CPAP: variants seen among roughly 807,000 people sequenced by gnomAD.
CPAP encodes centrosome assembly and centriole elongation protein.
At chr13:24,928,805 C>T in the CPAP span, among the ~76,000 whole-genome samples, 1 of 152,208 alleles carries the variant, frequency 6.6e-6, no homozygotes, top group African/African-American at 2.4e-5. Context: ...ATAGTTAAAT[C>T]TATTGCTGGT....
At chr13:24,892,666 C>G in the CPAP span, 1 of 1,614,118 alleles carries the variant, frequency 6.2e-7, no homozygotes, top group African/African-American at 1.3e-5. Flanking sequence ...TTCTTCTCCA[C>G]CTCGAGGCTG....
At chr13:24,894,739 C>T in the CPAP span, among the ~76,000 whole-genome samples, 11 of 151,080 alleles carry the variant, frequency 7.3e-5, no homozygotes. Flanking sequence ...GGGTGGGCTC[C>T]GTGGGCGGGA....
At chr13:24,912,736 G>GT in the CPAP span, 25 of 1,614,084 alleles carry the variant, frequency 1.5e-5, no homozygotes, top group Admixed American at 1.5e-4. Context: ...AGGAAAGGCT[G>GT]TATGGGTTTC....
At chr13:24,905,860 G>T in the CPAP span, 1 of 1,614,144 alleles carries the variant, frequency 6.2e-7, no homozygotes, top group Non-Finnish European at 8.5e-7. Flanking sequence ...CCTCTCTGCT[G>T]CTGATGCCCC....
chr13:24,884,223 T>G, the CPAP span: 2 of 1,614,224 alleles, frequency 1.2e-6, no homozygotes, highest in African/African-American at 1.3e-5. Context: ...GTGAGTGGTC[T>G]GGGCAGCTGC....
chr13:24,894,431 G>A, the CPAP span, among the ~76,000 whole-genome samples: 7 of 152,338 alleles, frequency 4.6e-5, no homozygotes, highest in South Asian at 1.4e-3. Context: ...GCACCAGGAT[G>A]GACACTGGCA....
chr13:24,932,602 C>A, the CPAP span, among the ~76,000 whole-genome samples: 1 of 152,240 alleles, frequency 6.6e-6, no homozygotes, highest in Non-Finnish European at 1.5e-5. Flanking sequence ...TAACAGAAAC[C>A]CACATAATGA....
At chr13:24,927,308 T>A in the CPAP span, among the ~76,000 whole-genome samples, 1 of 152,118 alleles carries the variant, frequency 6.6e-6, no homozygotes, top group Non-Finnish European at 1.5e-5. Flanking sequence ...ACGGTGACCT[T>A]TAAAGGGAGA....
At chr13:24,889,178 G>C in the CPAP span, 12 of 707,136 alleles carry the variant, frequency 1.7e-5, no homozygotes, top group South Asian at 4.8e-5. Flanking sequence ...ATGCACAGGA[G>C]CTTCAATTAC....
chr13:24,883,380 T>C, the CPAP span: 2 of 1,563,910 alleles, frequency 1.3e-6, no homozygotes, highest in East Asian at 2.3e-5. Context: ...CTGTAAAATT[T>C]AAAAAAAATA....
chr13:24,885,600 A>T, the CPAP span: 3 of 1,596,510 alleles, frequency 1.9e-6, no homozygotes, highest in South Asian at 2.2e-5. Flanking sequence ...AAAAACAGAG[A>T]TTTACTTGTC....
the CPAP span, among the ~76,000 whole-genome samples, chr13:24,891,374 C>T: frequency 1.4e-3 from 215 of 152,232 alleles, 1 homozygote; most frequent in East Asian, 0.039. Context: ...CCTGTGCTGT[C>T]GTGTGCAGCT....
chr13:24,896,766 T>G, the CPAP span, among the ~76,000 whole-genome samples: 1 of 152,242 alleles, frequency 6.6e-6, no homozygotes, highest in African/African-American at 2.4e-5. Context: ...TTATTTATTT[T>G]TTCCCTTTGG....
chr13:24,894,353 A>C, the CPAP span, among the ~76,000 whole-genome samples: 5 of 152,212 alleles, frequency 3.3e-5, no homozygotes, highest in African/African-American at 1.2e-4. Flanking sequence ...CAGAACAGCA[A>C]GGAATGGAAG....
At chr13:24,890,903 G>A in the CPAP span, among the ~76,000 whole-genome samples, 5 of 151,602 alleles carry the variant, frequency 3.3e-5, no homozygotes, top group Non-Finnish European at 7.4e-5. Context: ...TTCCTCCTGC[G>A]TCAATATTTT....
the CPAP span, among the ~76,000 whole-genome samples, chr13:24,916,348 G>A: frequency 4.6e-5 from 7 of 152,080 alleles, no homozygotes; most frequent in Admixed American, 1.3e-4. Flanking sequence ...AAAGGGCAAT[G>A]TGGAGGCAAA....
chr13:24,886,357 G>A, the CPAP span: 2 of 1,289,228 alleles, frequency 1.6e-6, no homozygotes, highest in South Asian at 1.2e-5. Flanking sequence ...CCAACAAGCT[G>A]CTGGGCGTGT....
At chr13:24,883,010 T>C in the CPAP span, 36 of 637,384 alleles carry the variant, frequency 5.6e-5, no homozygotes, top group Middle Eastern at 4.2e-4. Flanking sequence ...AGAGCTATCA[T>C]TGCATTTCAA....
At chr13:24,927,018 T>C in the CPAP span, among the ~76,000 whole-genome samples, 3 of 152,106 alleles carry the variant, frequency 2.0e-5, no homozygotes, top group Non-Finnish European at 2.9e-5. Flanking sequence ...CCAGAATCAA[T>C]TGGCTGGGTA....
Sources: gnomAD v4.1 joint callset for allele counts (sites outside exome capture counted in the v4.1 genomes callset) on GRCh38, gnomAD v4.1.1 for gene constraint, MANE v1.5 for transcripts, NCBI Gene and HGNC (gene_info 2026-07-23, HGNC 2026-07-21) for gene names.